The following ARHGAP23 variants were observed in gnomAD, a reference collection of about 807,000 sequenced individuals.
ARHGAP23 encodes the protein Rho GTPase activating protein 23.
ARHGAP23 carries 34 observed loss-of-function variants against 136.3 expected under a neutral mutation model. The ratio of observed to expected loss-of-function variants is 0.25; its 90% CI spans 0.19 to 0.33. ARHGAP23 has a LOEUF of 0.33. Among genes scored for constraint, ARHGAP23 ranks in the 10% least tolerant of loss-of-function variants. The pLI is 1.00. For synonymous variants in ARHGAP23, 832 were observed against 920.5 expected (o/e 0.90, Z 1.74); for missense variants, 1,808 against 2,139.0 (o/e 0.85, Z 3.05).
chr17:38,490,295 C>T (rs2040247024), intron 18 of ARHGAP23, 120 bp downstream of exon 18: 1 of 1,167,678 alleles, frequency 8.6e-7, no homozygotes, highest in Non-Finnish European at 1.2e-6. Context: ...AGCCCCGCTC[C>T]ACTCAGGGCC....
chr17:38,481,927 A>C, intron 14 of ARHGAP23, 95 bp from the exon 15 acceptor site: 1 of 1,290,326 alleles, frequency 7.7e-7, no homozygotes, highest in East Asian at 2.9e-5. Context: ...TCTCTGATGG[A>C]ATCCCCATAC....
At chr17:38,509,250 G>A (rs2040701567) in intron 23 of ARHGAP23, among the ~76,000 whole-genome samples, 1 of 152,068 alleles carries the variant, frequency 6.6e-6, no homozygotes, top group African/African-American at 2.4e-5. Context: ...CCCAACTTGG[G>A]GTTGGAAATC....
Position 38,498,421 on chromosome 17 carries a change from T to C in ARHGAP23, c.3326T>C (p.Val1109Ala), listed in dbSNP as rs1334902630. Reference sequence around the variant, plus strand: ...CCCTCCTCCTGTTCGCAGACCCCTGTGGGCGACAAGGAGCCTCAGGCAGTG... The same window carrying C: ...CCCTCCTCCTGTTCGCAGACCCCTGCGGGCGACAAGGAGCCTCAGGCAGTG... ...DEEDKGERTP[V>A]GDKEPQAVPN... The change falls in exon 22 of 24, where the codon GTG (valine) becomes GCG (alanine). Residue 1109 changes from valine (V) to alanine (A), a missense_variant. Physicochemically the swap from Val to Ala is moderately conservative, Grantham distance 64 (BLOSUM62 0). Around this residue, in one of 7 missense-constraint regions of ARHGAP23, gnomAD observed 104 missense variants for 131.8 expected, o/e 0.79. Transcript: ENST00000622683. 1 of 1,547,736 alleles carries C rather than the reference T, an allele frequency of 6.5e-7. No homozygotes were observed. The highest frequency in any genetic ancestry group is 8.7e-7 in the Non-Finnish European group (1 of 1,145,840).
chr17:38,455,716 C>G (rs1215221898), intron 1 of ARHGAP23, among the ~76,000 whole-genome samples: 1 of 152,196 alleles, frequency 6.6e-6, no homozygotes, highest in African/African-American at 2.4e-5. Context: ...TGGGGAGGAG[C>G]AGGGGCTTCT....
At chr17:38,483,304 G>A (rs1369675794) in intron 16 of ARHGAP23, among the ~76,000 whole-genome samples, 5 of 152,182 alleles carry the variant, frequency 3.3e-5, no homozygotes, top group Non-Finnish European at 5.9e-5. Context: ...CAGCAATTTG[G>A]GTGGCTGCAA....
At chr17:38,454,735 A>G (rs2039283999) in intron 1 of ARHGAP23, among the ~76,000 whole-genome samples, 1 of 152,132 alleles carries the variant, frequency 6.6e-6, no homozygotes, top group African/African-American at 2.4e-5. Flanking sequence ...AGTGGGCGCC[A>G]TGCCCGGCCT....
chr17:38,432,808 A>C (rs2038714054), intron 1 of ARHGAP23, among the ~76,000 whole-genome samples: 1 of 152,152 alleles, frequency 6.6e-6, no homozygotes. Context: ...CAGCCTGGGC[A>C]ACATAATGAG....
Position 38,479,478 on chromosome 17 carries a change from AACG to A in ARHGAP23, c.2481_2483del (p.Asp828del), listed in dbSNP as rs1299071109. ...CCAAGCTCTGATCAGCAAGAAGCTT[AACG>A]ATTATCGCAAAGTGAGGTGAGGCCC... On this transcript the variant is annotated inframe_deletion, in exon 13 of 24. Coordinates refer to ENST00000622683, the MANE Select transcript of ARHGAP23 (RefSeq NM_001199417.2). 6.5e-7 allele frequency: 1 copy of A among 1,548,154 alleles called. No homozygotes were observed. The highest frequency in any genetic ancestry group is 2.4e-5 in the East Asian group (1 of 40,888).
Position 38,477,805 on chromosome 17 carries a change from A to G in ARHGAP23, c.2345A>G (p.Asp782Gly). ...CACGTGTTCCGGCTGACCACCGCTG[A>G]CTTCTGTGAATATCTCTTTCAGGCT... ...RRHVFRLTTA[D>G]FCEYLFQAED... is the part of the protein sequence containing the mutation. Residue 782 changes from aspartate to glycine, a missense_variant, in exon 12 of 24, where the codon GAC (aspartate) becomes GGC (glycine). Asp to Gly is a moderately conservative substitution (Grantham distance 94). Around this residue, in one of 7 missense-constraint regions of ARHGAP23, gnomAD observed 139 missense variants for 264.3 expected, o/e 0.53. Transcript: ENST00000622683. This position sits in a 1 kb window ranked among gnomAD's most constrained non-coding sequence, Gnocchi z 6.6. 1 of 1,550,166 alleles carries G rather than the reference A, an allele frequency of 6.5e-7. No individual in the cohort carries two copies. Among genetic ancestry groups the G allele is most frequent in the Non-Finnish European group, 8.7e-7 (1 of 1,146,562 alleles).
chr17:38,464,440 G>A (rs1177075256), intron 6 of ARHGAP23, among the ~76,000 whole-genome samples: 1 of 152,236 alleles, frequency 6.6e-6, no homozygotes, highest in African/African-American at 2.4e-5. Context: ...TCCCTGGGGA[G>A]GCCCTGGGAG....
chr17:38,471,249 G>A (rs1213913077), intron 10 of ARHGAP23, among the ~76,000 whole-genome samples: 2 of 152,204 alleles, frequency 1.3e-5, no homozygotes, highest in Non-Finnish European at 2.9e-5. Flanking sequence ...CAGCGTGCCC[G>A]CCCCACCTTT....
chr17:38,449,937 A>G (rs974730640), intron 1 of ARHGAP23, among the ~76,000 whole-genome samples: 4 of 152,036 alleles, frequency 2.6e-5, no homozygotes, highest in Admixed American at 2.0e-4. Context: ...TCTTGCTCCT[A>G]TCTCTGACCC....
intron 23 of ARHGAP23, among the ~76,000 whole-genome samples, chr17:38,503,287 C>T (rs2040560231): frequency 6.6e-6 from 1 of 152,182 alleles, no homozygotes; most frequent in South Asian, 2.1e-4. Context: ...CAGCTGATGG[C>T]TCTTTCCTCA....
chr17:38,469,733 G>T lies in ARHGAP23; in HGVS notation c.1916+98G>T, dbSNP rs961634380. The T allele has an allele frequency of 1.1e-5, 16 of 1,504,770 alleles. No individual in the cohort carries two copies. The South Asian group carries it at 1.4e-4, about 13-fold the overall frequency. 93.2% of individuals were successfully genotyped at this position (1,504,770 alleles called of 1,614,324 possible). ...GGCCCTGGGGGTCCTCTATGCATGG[G>T]ACAGTGTGCCTCCCCCGCTGGAAGG... On this transcript the variant is annotated intron_variant, in intron 9 of 23. Transcript: ENST00000622683.
At chr17:38,439,459 A>T (rs1030435457) in intron 1 of ARHGAP23, among the ~76,000 whole-genome samples, 1 of 152,162 alleles carries the variant, frequency 6.6e-6, no homozygotes, top group African/African-American at 2.4e-5. Flanking sequence ...GGCCCTGTTG[A>T]GTGAACGCTG....
intron 10 of ARHGAP23, 34 bp from the exon 11 acceptor site, chr17:38,471,829 C>A (rs1018289276): frequency 1.9e-5 from 28 of 1,507,282 alleles, no homozygotes; most frequent in Non-Finnish European, 2.4e-5. Flanking sequence ...ATTGTGGGAG[C>A]CACCCTAAAT....
intron 1 of ARHGAP23, among the ~76,000 whole-genome samples, chr17:38,444,816 C>T (rs1336649049): frequency 6.9e-6 from 1 of 145,918 alleles, no homozygotes; most frequent in Non-Finnish European, 1.5e-5. Context: ...TTTCATCTTT[C>T]AACATTTTTT....
intron 1 of ARHGAP23, among the ~76,000 whole-genome samples, chr17:38,428,882 C>A (rs564905326): frequency 8.6e-5 from 13 of 150,528 alleles, no homozygotes; most frequent in South Asian, 2.1e-4. Context: ...GGCTTTTGTT[C>A]GGGTTTTTCA....
chr17:38,453,458 TGTGCGC>T lies in ARHGAP23; in HGVS notation c.64-4642_64-4637del, dbSNP rs1250335867. Among the ~76,000 whole-genome samples the T allele has an allele frequency of 5.6e-5, 7 of 124,104 alleles. No individual in the cohort carries two copies. The East Asian group carries it at 1.0e-3, about 18-fold the overall frequency. 81.4% of individuals were successfully genotyped at this position (124,104 alleles called of 152,430 possible). A position where few individuals can be genotyped will look rare whatever the true frequency, so the allele number is the denominator to read the frequency against. On this transcript the variant is annotated intron_variant, in intron 1 of 23. Transcript: ENST00000622683. ...GTGTGTGTGTGTGTGTGTGTGTGTG[TGTGCGC>T]GCGCGCGCTGGAAGGGTGCAAGGTG...
Sources: allele counts gnomAD v4.1 joint callset (sites outside exome capture counted in the v4.1 genomes callset), GRCh38; gene constraint gnomAD v4.1.1; regional missense constraint gnomAD v4.1.1; non-coding constraint Gnocchi (gnomAD v3.1); transcripts MANE v1.5; gene names NCBI Gene and HGNC (gene_info 2026-07-23, HGNC 2026-07-21).